The following ECT2 variants were observed in gnomAD, a reference collection of about 807,000 sequenced individuals.
The protein encoded by ECT2 is protein ECT2.
Under a neutral mutation model 116.9 loss-of-function variants are expected in ECT2, and 61 were observed. The ratio of observed to expected loss-of-function variants is 0.52; its 90% CI spans 0.42 to 0.65. The LOEUF (loss-of-function observed/expected upper bound fraction) is 0.65. Among genes scored for constraint, ECT2 ranks in the 30% least tolerant of loss-of-function variants. ECT2 has a pLI of 0.00. For missense variants in ECT2, 937 were observed against 1,078.7 expected (o/e 0.87, Z 1.84); for synonymous variants, 358 against 346.4 (o/e 1.03, Z -0.37).
intron 13 of ECT2, among the ~76,000 whole-genome samples, chr3:172,772,963 TA>T (rs138666423): frequency 6.6e-6 from 1 of 152,350 alleles, no homozygotes; most frequent in Non-Finnish European, 1.5e-5. Flanking sequence ...TTGATCTATG[TA>T]TGTTTCTCCC....
rs1251496181 is a variant in ECT2 at position 172,815,589 on chromosome 3, A to G, written c.2401-15A>G. The stretch of plus-strand genomic sequence containing the variant: ...GTGTGTTTTTAAGATAACAAAAAGT[A>G]TTATTTTTCAATAGGAGAATCTTAT... On this transcript the variant is annotated splice_polypyrimidine_tract_variant and intron_variant, in intron 22 of 24. Coordinates refer to ENST00000392692, the MANE Select transcript of ECT2 (RefSeq NM_001258315.2). 2.0e-6 allele frequency: 3 copies of G among 1,477,618 alleles called. No homozygotes were observed. The African/African-American group carries it at 4.3e-5, about 21-fold the overall frequency. 91.5% of individuals were successfully genotyped at this position (1,477,618 alleles called of 1,614,324 possible).
downstream of ECT2, among the ~76,000 whole-genome samples, chr3:172,824,746 C>T (rs1730801692): frequency 6.6e-6 from 1 of 152,126 alleles, no homozygotes; most frequent in African/African-American, 2.4e-5. Context: ...TTGCAGAGTA[C>T]TCCACTGTGT....
rs116630200 is a variant in ECT2, at chr3:172,767,168, C to T, written c.1292-1839C>T. On this transcript the variant is annotated intron_variant, in intron 12 of 24. Transcript: ENST00000392692. ...TTTTAAAAAGCACTCAGGGGCTGGG[C>T]GCGGTGGCCCACGCCTGTAATCCCA... Among the ~76,000 whole-genome samples, 1,116 of 152,208 alleles carry T rather than the reference C, an allele frequency of 7.3e-3. 15 individuals are homozygous for T. Among genetic ancestry groups the T allele is most frequent in the African/African-American group, 0.025 (1,040 of 41,526 alleles).
At chr3:172,755,252 T>C in intron 2 of ECT2, 43 bp from the exon 3 acceptor site, 2 of 1,478,434 alleles carry the variant, frequency 1.4e-6, no homozygotes, top group Non-Finnish European at 1.8e-6. Flanking sequence ...CTGATTGTGA[T>C]GTTAATACAT....
chr3:172,759,321 T>TA (rs1231917935), intron 6 of ECT2, among the ~76,000 whole-genome samples: 7 of 152,230 alleles, frequency 4.6e-5, no homozygotes, highest in Non-Finnish European at 1.0e-4. Flanking sequence ...ACTGTCTTGT[T>TA]ACCATATTGG....
chr3:172,823,162 TAA>T (rs1730755945), downstream of ECT2, among the ~76,000 whole-genome samples: 1 of 152,122 alleles, frequency 6.6e-6, no homozygotes, highest in Non-Finnish European at 1.5e-5. Flanking sequence ...CCAATACACT[TAA>T]TTTCAACTGA....
rs1159790419 is a variant in ECT2, at chr3:172,821,105, ATCT to A, written c.*872_*874del. 1.3e-5 allele frequency: 2 copies of A among 151,942 alleles called. No homozygotes were observed. The highest frequency in any genetic ancestry group is 2.9e-5 in the Non-Finnish European group (2 of 67,826). 9.4% of individuals were successfully genotyped at this position (151,942 alleles called of 1,614,324 possible). ...TCTGAAGTTGCCATCAGTTTTACTA[ATCT>A]TCTGTGAAATGCATAGATATGCGCA... On this transcript the variant is annotated 3_prime_UTR_variant, in exon 25 of 25. Coordinates refer to ENST00000392692, the MANE Select transcript of ECT2 (RefSeq NM_001258315.2).
At position 172,776,273 on chromosome 3, in the gene ECT2, G is replaced by GT. The variant is rs140531359; in HGVS notation, c.1548+2259dup. Among the ~76,000 whole-genome samples the GT allele has an allele frequency of 2.9e-3, 336 of 115,232 alleles. 10 individuals carry two copies. In the East Asian group the frequency reaches 0.056, roughly 19 times the overall value. 75.6% of individuals were successfully genotyped at this position (115,232 alleles called of 152,430 possible). A position where few individuals can be genotyped will look rare whatever the true frequency, so the allele number is the denominator to read the frequency against. ...TGATCTGAGCTCACTGCAACTATTTGTTTTTTTTAGCTGATTGCAGGTTTG... is the reference window on the plus strand; with the variant it reads ...TGATCTGAGCTCACTGCAACTATTTGTTTTTTTTTAGCTGATTGCAGGTTTG... On this transcript the variant is annotated intron_variant, in intron 14 of 24. Transcript: ENST00000392692.
chr3:172,790,070 C>T (rs1464166363), intron 18 of ECT2, among the ~76,000 whole-genome samples: 1 of 151,812 alleles, frequency 6.6e-6, no homozygotes, highest in Admixed American at 6.6e-5. Context: ...TTTTCTCCCT[C>T]GCCTCTCTGC....
At chr3:172,755,718 A>T in intron 4 of ECT2, 143 bp downstream of exon 4, 1 of 389,378 alleles carries the variant, frequency 2.6e-6, no homozygotes, top group South Asian at 9.6e-5. Flanking sequence ...ATACTTTTTA[A>T]CTCCTTAGCT....
intron 17 of ECT2, among the ~76,000 whole-genome samples, chr3:172,785,266 G>C (rs1402194283): frequency 6.6e-6 from 1 of 152,052 alleles, no homozygotes; most frequent in East Asian, 1.9e-4. Context: ...TTCTAGAACT[G>C]AACTATAGGT....
At chr3:172,758,847 A>G in intron 5 of ECT2, 133 bp from the exon 6 acceptor site, 1 of 729,662 alleles carries the variant, frequency 1.4e-6, no homozygotes, top group Non-Finnish European at 2.2e-6. Context: ...GCATATTGAA[A>G]AAATGCCAGT....
At chr3:172,816,628 T>G in intron 23 of ECT2, 63 bp from the exon 24 acceptor site, 1 of 1,439,864 alleles carries the variant, frequency 6.9e-7, no homozygotes, top group Non-Finnish European at 9.3e-7. Flanking sequence ...TTTTTATGTT[T>G]AAATATTCTC....
intron 18 of ECT2, among the ~76,000 whole-genome samples, chr3:172,798,234 GTTA>G (rs1161015292): frequency 3.3e-5 from 5 of 152,078 alleles, no homozygotes; most frequent in East Asian, 3.8e-4. Flanking sequence ...ACAGAAATCT[GTTA>G]TTATAATTTT....
chr3:172,815,848 C>A, intron 23 of ECT2, 137 bp downstream of exon 23: 1 of 630,364 alleles, frequency 1.6e-6, no homozygotes, highest in Non-Finnish European at 2.8e-6. Flanking sequence ...AAATGACCCA[C>A]AGAAACAATA....
At chr3:172,815,817 A>G (rs918683175) in intron 23 of ECT2, 106 bp downstream of exon 23, 5 of 756,212 alleles carry the variant, frequency 6.6e-6, no homozygotes, top group South Asian at 3.6e-5. Flanking sequence ...TTATAAAACA[A>G]AGCTGTTCTT....
chr3:172,754,687 A>G, intron 2 of ECT2, 27 bp downstream of exon 2: 1 of 1,522,386 alleles, frequency 6.6e-7, no homozygotes, highest in South Asian at 1.2e-5. Flanking sequence ...CTTTAAAACA[A>G]TCAATTTCTA....
At chr3:172,753,667 T>C (rs1287348527) in intron 1 of ECT2, among the ~76,000 whole-genome samples, 2 of 152,100 alleles carry the variant, frequency 1.3e-5, no homozygotes, top group Non-Finnish European at 2.9e-5. Context: ...GAAGACAAGA[T>C]AGGTGGAGAG....
chr3:172,820,145 C>T lies in ECT2; in HGVS notation c.2656-3C>T. The T allele has an allele frequency of 6.2e-7, 1 of 1,601,966 alleles. No homozygotes were observed. Among genetic ancestry groups the T allele is most frequent in the Non-Finnish European group, 8.5e-7 (1 of 1,172,660 alleles). ...ATATGAAATGTTTGTTTTGTCTTAA[C>T]AGGGTATCCCTTCTCCCTCCCTTGT... is the stretch of plus-strand genomic sequence containing the variant. On this transcript the variant is annotated splice_region_variant and splice_polypyrimidine_tract_variant and intron_variant, in intron 24 of 24. Coordinates refer to ENST00000392692, the MANE Select transcript of ECT2 (RefSeq NM_001258315.2).
Sources: gnomAD v4.1 joint callset for allele counts (sites outside exome capture counted in the v4.1 genomes callset) on GRCh38, gnomAD v4.1.1 for gene constraint, MANE v1.5 for transcripts, NCBI Gene and HGNC (gene_info 2026-07-23, HGNC 2026-07-21) for gene names.